Variants in SIMC1 observed in about 807,000 individuals in gnomAD.
The protein encoded by SIMC1 is SUMO interacting motifs containing 1.
In SIMC1, 55 loss-of-function variants were observed where a neutral mutation model predicts 82.3. The observed-to-expected ratio is 0.67, with a 90% CI of 0.54 to 0.84. SIMC1 has a LOEUF of 0.84. Ranked by LOEUF, SIMC1 falls within the 40% of genes least tolerant of loss-of-function variation. SIMC1 has a pLI of 0.00. For missense variants in SIMC1, 915 were observed against 1,107.2 expected, an observed-to-expected ratio of 0.83 and a Z score of 2.46; for synonymous variants, 353 against 426.3, an observed-to-expected ratio of 0.83 and a Z score of 2.12.
chr5:176,308,971 AGAAAAG>A, intron 4 of SIMC1: 2 of 919,212 alleles, frequency 2.2e-6, no homozygotes, highest in South Asian at 2.6e-5. Flanking sequence ...AATTGCAACA[AGAAAAG>A]GAAGAGCTTA....
intron 1 of SIMC1, among the ~76,000 whole-genome samples, chr5:176,280,105 G>T (rs958920614): frequency 5.3e-5 from 8 of 152,114 alleles, no homozygotes; most frequent in African/African-American, 1.9e-4. Flanking sequence ...ATGTGTGGGA[G>T]TCTAAGTCTC....
Position 176,345,589 on chromosome 5 carries a change from A to T in SIMC1, c.*144A>T, listed in dbSNP as rs775464547. The T allele has an allele frequency of 2.2e-5, 19 of 855,276 alleles. No individual in the cohort carries two copies. The highest frequency in any genetic ancestry group is 3.2e-5 in the Non-Finnish European group (19 of 588,582). The allele number at this position is 855,276 out of a possible 1,614,324, so 53.0% of individuals were successfully genotyped here. On this transcript the variant is annotated 3_prime_UTR_variant, in exon 10 of 10. Transcript: ENST00000429602. ...TCAGTAGGTTGTAATTTCTAACTCT[A>T]GTAAATATCTTTTTTTAAATAATCC...
chr5:176,265,544 T>G (rs2113158599), intron 1 of SIMC1, among the ~76,000 whole-genome samples: 1 of 152,258 alleles, frequency 6.6e-6, no homozygotes, highest in South Asian at 2.1e-4. Flanking sequence ...CTTTCTTTGT[T>G]TTGCTCTAAA....
At chr5:176,287,066 T>G (rs1763322788) in intron 1 of SIMC1, among the ~76,000 whole-genome samples, 1 of 152,196 alleles carries the variant, frequency 6.6e-6, no homozygotes, top group Admixed American at 6.6e-5. Flanking sequence ...TGGAAGACAG[T>G]GTGGCGATTC....
At chr5:176,276,209 A>G (rs1455349546) in intron 1 of SIMC1, among the ~76,000 whole-genome samples, 1 of 151,334 alleles carries the variant, frequency 6.6e-6, no homozygotes, top group African/African-American at 2.4e-5. Flanking sequence ...AGGAGGGTGT[A>G]TTTTTCAAGG....
At position 176,345,527 on chromosome 5, in the gene SIMC1, G is replaced by C; in HGVS notation, c.*82G>C. ...CAGAAGCTCTAAAAGCATGAAAAGTGGTTAAAATCTTACAGGACCAAACCT... is the reference window on the plus strand; with the variant it reads ...CAGAAGCTCTAAAAGCATGAAAAGTCGTTAAAATCTTACAGGACCAAACCT... On this transcript the variant is annotated 3_prime_UTR_variant, in exon 10 of 10. Transcript: ENST00000429602. 6.8e-7 allele frequency: 1 copy of C among 1,474,374 alleles called. No homozygotes were observed. Among genetic ancestry groups the C allele is most frequent in the South Asian group, 1.4e-5 (1 of 71,366 alleles). The allele number at this position is 1,474,374 out of a possible 1,614,324, so 91.3% of individuals were successfully genotyped here.
intron 4 of SIMC1, among the ~76,000 whole-genome samples, chr5:176,309,951 A>G (rs986435112): frequency 7.2e-5 from 11 of 152,176 alleles, no homozygotes; most frequent in Non-Finnish European, 1.2e-4. Flanking sequence ...AAGGCCACAA[A>G]AACTCAACAA....
At chr5:176,276,229 A>G (rs1262274705) in intron 1 of SIMC1, among the ~76,000 whole-genome samples, 3 of 151,588 alleles carry the variant, frequency 2.0e-5, no homozygotes, top group African/African-American at 7.3e-5. Flanking sequence ...GAATTTATCC[A>G]TTTCTTCTAG....
rs1321217499 is a variant in SIMC1 at position 176,336,844 on chromosome 5, C to T, written c.2296C>T (p.Leu766=). The T allele has an allele frequency of 5.6e-6, 9 of 1,613,886 alleles. No homozygotes were observed. The Admixed American group carries it at 1.0e-4, about 18-fold the overall frequency. Residue 766 remains leucine (L), a synonymous_variant, in exon 8 of 10, where the codon CTG becomes TTG. Coordinates refer to ENST00000429602, the MANE Select transcript of SIMC1 (RefSeq NM_001308195.2). ...PLSLAQALYF[L]NNSTSLLKCQ... ...GTCTCTGGCCCAGGCCCTCTACTTT[C>T]TGAATAATTCTACGTCACTGCTCAA...
In SIMC1 at chr5:176,292,206, A is replaced by T. The variant is rs984211070; in HGVS notation, c.1431+1251A>T. 3.3e-4 allele frequency among the ~76,000 whole-genome samples: 50 copies of T among 152,210 alleles called. 1 individual carries two copies. Among genetic ancestry groups the T allele is most frequent in the African/African-American group, 1.2e-3 (50 of 41,464 alleles). On this transcript the variant is annotated intron_variant, in intron 2 of 9. Coordinates refer to ENST00000429602, the MANE Select transcript of SIMC1 (RefSeq NM_001308195.2). ...CTGACTTTGGGGGAGGAAATTCAAT[A>T]TTAAGACATGAGTGGGAATGCTCCT...
chr5:176,272,482 A>G (rs1288441492), intron 1 of SIMC1, among the ~76,000 whole-genome samples: 7 of 152,174 alleles, frequency 4.6e-5, no homozygotes, highest in Non-Finnish European at 4.4e-5. Context: ...CGCAGTGGCC[A>G]TATAGGAACA....
At chr5:176,308,738 G>C (rs1344227369) in intron 4 of SIMC1, 9 of 1,428,578 alleles carry the variant, frequency 6.3e-6, no homozygotes, top group South Asian at 1.1e-5. Flanking sequence ...TCACTATCGG[G>C]AAAGCGTGCC....
chr5:176,270,723 A>G (rs1762388199), intron 1 of SIMC1, among the ~76,000 whole-genome samples: 1 of 152,218 alleles, frequency 6.6e-6, no homozygotes, highest in African/African-American at 2.4e-5. Flanking sequence ...CAGCCCTGTC[A>G]CAGCAGAAAA....
rs1379098566 is a variant in SIMC1, at chr5:176,324,638, C to T, written c.2052C>T (p.Cys684=). The change falls in exon 7 of 10, where the codon TGC becomes TGT. Residue 684 remains cysteine, a synonymous_variant. Coordinates refer to ENST00000429602, the MANE Select transcript of SIMC1 (RefSeq NM_001308195.2). ...TATGTTCTGGACTCAGGATTGTGTG[C>T]CAGCTTCAGAGGATGCTCTCCATAG... ...LTKNTNQLIV[C]QLQRMLSIAV... The T allele has an allele frequency of 1.9e-6, 3 of 1,611,184 alleles. No individual in the cohort carries two copies.
chr5:176,283,616 C>T (rs908468562), intron 1 of SIMC1, among the ~76,000 whole-genome samples: 4 of 152,196 alleles, frequency 2.6e-5, no homozygotes, highest in African/African-American at 9.7e-5. Flanking sequence ...ACTGCATCAA[C>T]TAATGAGCAA....
chr5:176,271,932 T>C (rs931853554), intron 1 of SIMC1, among the ~76,000 whole-genome samples: 12 of 135,984 alleles, frequency 8.8e-5, no homozygotes, highest in Admixed American at 7.8e-4. Flanking sequence ...TATATTATAA[T>C]ATATACTATT....
chr5:176,325,937 A>G (rs1426595640), intron 7 of SIMC1, among the ~76,000 whole-genome samples: 1 of 152,196 alleles, frequency 6.6e-6, no homozygotes. Context: ...TTCTCTAAAC[A>G]TGAATTAGTG....
At chr5:176,315,689 T>C (rs1764870029) in intron 5 of SIMC1, among the ~76,000 whole-genome samples, 1 of 152,206 alleles carries the variant, frequency 6.6e-6, no homozygotes, top group Non-Finnish European at 1.5e-5. Flanking sequence ...CGATAAATCC[T>C]CTAATAACAA....
chr5:176,301,230 C>A (rs978623187), intron 4 of SIMC1, among the ~76,000 whole-genome samples: 10 of 152,084 alleles, frequency 6.6e-5, no homozygotes, highest in African/African-American at 1.9e-4. Context: ...TTTTCCTGTG[C>A]TGTTCTCATA....
Sources: gnomAD v4.1 joint callset for allele counts (sites outside exome capture counted in the v4.1 genomes callset) on GRCh38, gnomAD v4.1.1 for gene constraint, MANE v1.5 for transcripts, NCBI Gene and HGNC (gene_info 2026-07-23, HGNC 2026-07-21) for gene names.